The following ARHGAP35 variants were observed in gnomAD, a reference collection of about 807,000 sequenced individuals.
ARHGAP35 encodes the protein Rho GTPase activating protein 35.
In ARHGAP35, 15 loss-of-function variants were observed where a neutral mutation model predicts 111.1. That is an observed-to-expected ratio of 0.13 (90% CI 0.09 to 0.21). ARHGAP35 has a LOEUF of 0.21. ARHGAP35 is among the 10% of genes least tolerant of loss of function. The pLI, the probability that ARHGAP35 is intolerant of heterozygous loss-of-function variation, is 1.00. For synonymous variants in ARHGAP35, 643 were observed against 710.3 expected, an observed-to-expected ratio of 0.91 and a Z score of 1.51; for missense variants, 1,262 against 1,873.0, an observed-to-expected ratio of 0.67 and a Z score of 6.02.
chr19:46,862,637 C>T (rs553190908), intron 1 of ARHGAP35, among the ~76,000 whole-genome samples: 8 of 152,160 alleles, frequency 5.3e-5, no homozygotes, highest in Non-Finnish European at 1.0e-4. Flanking sequence ...CTCCCCAGCT[C>T]GGCTCCTTCG....
At position 47,002,965 on chromosome 19, in the gene ARHGAP35, C is replaced by T. The variant is rs1335265603; in HGVS notation, c.*2277C>T. ...GAAGTACCTGAAACTAGGTCTGGGG[C>T]ACTCCCAATGCAGCGCCTTGTCAGC... is the stretch of plus-strand genomic sequence containing the variant. On this transcript the variant is annotated 3_prime_UTR_variant, in exon 7 of 7. Coordinates refer to ENST00000672722, the MANE Select transcript of ARHGAP35 (RefSeq NM_004491.5). The T allele has an allele frequency of 6.6e-6, 1 of 152,394 alleles. No homozygotes were observed. The highest frequency in any genetic ancestry group is 2.4e-5 in the African/African-American group (1 of 41,480). The allele number at this position is 152,394 out of a possible 1,614,324, so 9.4% of individuals were successfully genotyped here. A position where few individuals can be genotyped will look rare whatever the true frequency, so the allele number is the denominator to read the frequency against.
intron 2 of ARHGAP35, among the ~76,000 whole-genome samples, chr19:46,934,690 G>T (rs1473932279): frequency 2.0e-5 from 3 of 151,342 alleles, no homozygotes; most frequent in Non-Finnish European, 4.4e-5. Flanking sequence ...ATTATTTTGA[G>T]ACGGGGTCGC....
At chr19:46,990,079 T>C (rs1367622008) in intron 5 of ARHGAP35, among the ~76,000 whole-genome samples, 1 of 152,210 alleles carries the variant, frequency 6.6e-6, no homozygotes, top group Non-Finnish European at 1.5e-5. Flanking sequence ...TATTTAATAG[T>C]AGGTCTTATT....
At position 46,999,215 on chromosome 19, in the gene ARHGAP35, C is replaced by A; in HGVS notation, c.4037-89C>A. 1.2e-6 allele frequency: 1 copy of A among 840,252 alleles called. No homozygotes were observed. The highest frequency in any genetic ancestry group is 1.9e-6 in the Non-Finnish European group (1 of 514,644). The allele number at this position is 840,252 out of a possible 1,614,324, so 52.0% of individuals were successfully genotyped here. A position where few individuals can be genotyped will look rare whatever the true frequency, so the allele number is the denominator to read the frequency against. Reference sequence around the variant, plus strand: ...GTGTCATCCAAAAGCCCTGGGCTGTCCTCAGAGAAGGCCCATCACAGAGCA... The same window carrying A: ...GTGTCATCCAAAAGCCCTGGGCTGTACTCAGAGAAGGCCCATCACAGAGCA... On this transcript the variant is annotated intron_variant, in intron 5 of 6. Transcript: ENST00000672722. This position sits in a 1 kb window ranked among gnomAD's most constrained non-coding sequence, Gnocchi z 5.4.
chr19:46,900,225 T>G (rs1568463222), intron 1 of ARHGAP35, among the ~76,000 whole-genome samples: 2 of 148,434 alleles, frequency 1.3e-5, no homozygotes, highest in African/African-American at 4.9e-5. Flanking sequence ...TTTTTGGGTT[T>G]TTTTTTTTTT....
Position 47,000,879 on chromosome 19 carries a change from C to A in ARHGAP35, c.*191C>A. On this transcript the variant is annotated 3_prime_UTR_variant, in exon 7 of 7. Coordinates refer to ENST00000672722, the MANE Select transcript of ARHGAP35 (RefSeq NM_004491.5). This position sits in a 1 kb window ranked among gnomAD's most constrained non-coding sequence, Gnocchi z 6.9. ...GGGCTGCCAGGTACCCTGGGCCTGG[C>A]GCTGCAGACCTGAGCTGGCTTGGAC... is the stretch of plus-strand genomic sequence containing the variant. The A allele has an allele frequency of 1.3e-6, 2 of 1,534,380 alleles. No homozygotes were observed. The highest frequency in any genetic ancestry group is 1.7e-6 in the Non-Finnish European group (2 of 1,146,100).
At chr19:46,863,019 T>C (rs754017732) in intron 1 of ARHGAP35, among the ~76,000 whole-genome samples, 9 of 151,908 alleles carry the variant, frequency 5.9e-5, no homozygotes, top group Non-Finnish European at 1.3e-4. Flanking sequence ...CCTCTCCCAA[T>C]TCTGTTCCTC....
intron 2 of ARHGAP35, among the ~76,000 whole-genome samples, chr19:46,932,234 A>G (rs2122217754): frequency 6.6e-6 from 1 of 152,350 alleles, no homozygotes; most frequent in East Asian, 1.9e-4. Flanking sequence ...GTGAGCCAAG[A>G]TTGCGCTACG....
Position 46,920,106 on chromosome 19 carries a change from T to C in ARHGAP35, c.1431T>C (p.Tyr477=), listed in dbSNP as rs772547437. 13 of 1,613,978 alleles carry C rather than the reference T, an allele frequency of 8.1e-6. No individual in the cohort carries two copies. The highest frequency in any genetic ancestry group is 1.6e-4 in the Middle Eastern group (1 of 6,062). The change falls in exon 2 of 7, where the codon TAT becomes TAC. Residue 477 remains tyrosine, a synonymous_variant. Coordinates refer to ENST00000672722, the MANE Select transcript of ARHGAP35 (RefSeq NM_004491.5). The surrounding 1 kb of genome is among the most constrained non-coding windows in gnomAD (Gnocchi z 7.0). ...WLEESVYMDI[Y]GKHQKQIIDK... Reference sequence around the variant, plus strand: ...AGGAATCTGTATACATGGATATTTATGGCAAACACCAAAAGCAAATTATAG... The same window carrying C: ...AGGAATCTGTATACATGGATATTTACGGCAAACACCAAAAGCAAATTATAG...
At chr19:46,964,256 C>CTTTTT (rs1007718659) in intron 3 of ARHGAP35, among the ~76,000 whole-genome samples, 1 of 147,282 alleles carries the variant, frequency 6.8e-6, no homozygotes, top group Non-Finnish European at 1.5e-5. Context: ...GAGCAGGTGA[C>CTTTTT]TTTTTTTTTT....
At chr19:46,944,498 G>A (rs893326973) in intron 3 of ARHGAP35, among the ~76,000 whole-genome samples, 3 of 152,046 alleles carry the variant, frequency 2.0e-5, no homozygotes, top group Admixed American at 6.6e-5. Context: ...GTGCTGTTCC[G>A]CAGCTCATTG....
At chr19:46,863,465 T>A (rs1354766016) in intron 1 of ARHGAP35, among the ~76,000 whole-genome samples, 5 of 152,182 alleles carry the variant, frequency 3.3e-5, no homozygotes, top group African/African-American at 7.2e-5. Flanking sequence ...CCTCTGCTGT[T>A]TGCTCTCTCC....
chr19:46,920,797 G>A lies in ARHGAP35; in HGVS notation c.2122G>A (p.Asp708Asn). The A allele has an allele frequency of 1.9e-6, 3 of 1,610,258 alleles. No homozygotes were observed. Among genetic ancestry groups the A allele is most frequent in the Non-Finnish European group, 2.5e-6 (3 of 1,177,976 alleles). ...LTLILVNKRGDTSGETLHSLI... is the reference protein window; with the variant it reads ...LTLILVNKRGNTSGETLHSLI... ...ATTAATTTTGGTTAACAAGAGAGGA[G>A]ACACCAGTGGAGAGACTCTGCATAG... Residue 708 changes from aspartate (D) to asparagine (N), a missense_variant, in exon 2 of 7, where the codon GAC becomes AAC. This residue lies in a region of ARHGAP35 where 579 missense variants were observed against 716.9 expected (regional missense o/e 0.81). Transcript: ENST00000672722. This position sits in a 1 kb window ranked among gnomAD's most constrained non-coding sequence, Gnocchi z 7.0.
At chr19:46,998,173 C>T (rs969788518) in intron 5 of ARHGAP35, among the ~76,000 whole-genome samples, 1 of 152,144 alleles carries the variant, frequency 6.6e-6, no homozygotes, top group South Asian at 2.1e-4. Context: ...GATTCATCAG[C>T]AGAATGGCAC....
intron 3 of ARHGAP35, among the ~76,000 whole-genome samples, chr19:46,987,223 T>C (rs2056655532): frequency 6.9e-6 from 1 of 145,626 alleles, no homozygotes; most frequent in African/African-American, 2.5e-5. Flanking sequence ...TTTTTCTTTT[T>C]TTTTTTTTTT....
At chr19:46,873,541 G>A (rs964945751) in intron 1 of ARHGAP35, among the ~76,000 whole-genome samples, 3 of 151,480 alleles carry the variant, frequency 2.0e-5, no homozygotes, top group South Asian at 2.1e-4. Flanking sequence ...GGGAGGCTGC[G>A]GCAGGAGAAT....
At chr19:46,953,734 G>A (rs556678754) in intron 3 of ARHGAP35, among the ~76,000 whole-genome samples, 3 of 152,184 alleles carry the variant, frequency 2.0e-5, no homozygotes, top group Admixed American at 2.0e-4. Context: ...GCACACTCCA[G>A]TGTGGGGGCA....
chr19:46,999,625 G>T lies in ARHGAP35; in HGVS notation c.4142+216G>T. On this transcript the variant is annotated intron_variant, in intron 6 of 6. Coordinates refer to ENST00000672722, the MANE Select transcript of ARHGAP35 (RefSeq NM_004491.5). The surrounding 1 kb of genome is among the most constrained non-coding windows in gnomAD (Gnocchi z 5.4). ...GGCCTCCCTCCTGCTCCTGTCTGAG[G>T]GCAGCCCACGTGGCCTCAAACCTGC... 1.8e-6 allele frequency: 1 copy of T among 559,758 alleles called. No individual in the cohort carries two copies. The highest frequency in any genetic ancestry group is 3.2e-6 in the Non-Finnish European group (1 of 314,270). The allele number at this position is 559,758 out of a possible 1,614,324, so 34.7% of individuals were successfully genotyped here.
At chr19:46,928,979 A>G (rs891725079) in intron 2 of ARHGAP35, among the ~76,000 whole-genome samples, 1 of 129,432 alleles carries the variant, frequency 7.7e-6, no homozygotes, top group African/African-American at 3.0e-5. Flanking sequence ...CAATAGGATG[A>G]CATGTCTCCG....
Sources: allele counts gnomAD v4.1 joint callset (sites outside exome capture counted in the v4.1 genomes callset), GRCh38; gene constraint gnomAD v4.1.1; regional missense constraint gnomAD v4.1.1; non-coding constraint Gnocchi (gnomAD v3.1); transcripts MANE v1.5; gene names NCBI Gene and HGNC (gene_info 2026-07-23, HGNC 2026-07-21).